CTNNA3: variants seen among roughly 807,000 people sequenced by gnomAD.
The protein encoded by CTNNA3 is catenin alpha-3.
In CTNNA3, 76 loss-of-function variants were observed where a neutral mutation model predicts 95.7. The ratio of observed to expected loss-of-function variants is 0.79; its 90% CI spans 0.66 to 0.96. CTNNA3 has a LOEUF of 0.96. CTNNA3 is among the 40% of genes least tolerant of loss of function. The pLI is 0.00. For synonymous variants in CTNNA3, 431 were observed against 374.4 expected (o/e 1.15, Z -1.74); for missense variants, 1,191 against 1,089.8 (o/e 1.09, Z -1.31).
intron 5 of CTNNA3, among the ~76,000 whole-genome samples, chr10:67,314,248 C>T (rs189925065): frequency 4.5e-4 from 69 of 152,248 alleles, no homozygotes; most frequent in African/African-American, 1.6e-3. Context: ...ATCTATACTA[C>T]GGCTAGGAAA....
At chr10:66,942,175 C>T (rs1437505192) in intron 7 of CTNNA3, among the ~76,000 whole-genome samples, 1 of 152,060 alleles carries the variant, frequency 6.6e-6, no homozygotes, top group Non-Finnish European at 1.5e-5. Flanking sequence ...TTTCTCCTGT[C>T]GTTTGCTAGA....
At chr10:66,774,891 T>G (rs1400276310) in intron 8 of CTNNA3, among the ~76,000 whole-genome samples, 1 of 152,200 alleles carries the variant, frequency 6.6e-6, no homozygotes, top group Non-Finnish European at 1.5e-5. Flanking sequence ...TCCTGATGAC[T>G]TAAGGTTAAA....
chr10:66,993,044 G>A (rs1851126788), intron 7 of CTNNA3, among the ~76,000 whole-genome samples: 1 of 152,032 alleles, frequency 6.6e-6, no homozygotes, highest in Non-Finnish European at 1.5e-5. Flanking sequence ...ATGATTTTGT[G>A]GGCAGCCACA....
At chr10:66,404,897 C>T (rs1019752994) in intron 11 of CTNNA3, among the ~76,000 whole-genome samples, 1 of 151,844 alleles carries the variant, frequency 6.6e-6, no homozygotes. Flanking sequence ...TGCTTTAGAT[C>T]CATGAAAAAT....
chr10:66,364,649 C>T (rs72802894), intron 12 of CTNNA3, among the ~76,000 whole-genome samples: 3,106 of 152,090 alleles, frequency 0.02, 54 homozygotes, highest in Non-Finnish European at 0.028. Context: ...ATTTCTTAAA[C>T]GTTTAAGTAA....
At chr10:67,470,991 T>G (rs1299663528) in intron 5 of CTNNA3, among the ~76,000 whole-genome samples, 1 of 152,040 alleles carries the variant, frequency 6.6e-6, no homozygotes, top group Non-Finnish European at 1.5e-5. Flanking sequence ...TATTTTTGTA[T>G]TTTTTGTAGA....
At chr10:67,039,519 T>C (rs1273016820) in intron 7 of CTNNA3, among the ~76,000 whole-genome samples, 1 of 152,156 alleles carries the variant, frequency 6.6e-6, no homozygotes, top group African/African-American at 2.4e-5. Context: ...CTATGGGTGA[T>C]GCATAATAAT....
chr10:66,325,392 C>T (rs1477313529), intron 12 of CTNNA3, among the ~76,000 whole-genome samples: 1 of 151,978 alleles, frequency 6.6e-6, no homozygotes, highest in Non-Finnish European at 1.5e-5. Context: ...TCATATCTTG[C>T]CTGCAGAAAA....
At chr10:66,465,517 C>T (rs866309219) in intron 11 of CTNNA3, among the ~76,000 whole-genome samples, 1 of 152,102 alleles carries the variant, frequency 6.6e-6, no homozygotes, top group Admixed American at 6.6e-5. Flanking sequence ...TGCACTGAAG[C>T]GTGTTTTTCA....
chr10:67,449,835 T>C (rs1275935557), intron 5 of CTNNA3, among the ~76,000 whole-genome samples: 1 of 152,278 alleles, frequency 6.6e-6, no homozygotes, highest in Admixed American at 6.5e-5. Flanking sequence ...AAAGAGCTTC[T>C]GCACAGCAAA....
intron 11 of CTNNA3, among the ~76,000 whole-genome samples, chr10:66,513,904 A>G (rs932560885): frequency 2.6e-5 from 4 of 152,058 alleles, no homozygotes; most frequent in Non-Finnish European, 5.9e-5. Context: ...ACCCTGTGGC[A>G]CCATTAGGTT....
At chr10:67,508,621 A>G (rs993285689) in intron 5 of CTNNA3, among the ~76,000 whole-genome samples, 10 of 152,204 alleles carry the variant, frequency 6.6e-5, no homozygotes, top group Admixed American at 6.5e-4. Flanking sequence ...ATATGATGCC[A>G]TAAGTACCAG....
At chr10:67,658,010 G>T (rs1215848178) in intron 1 of CTNNA3, among the ~76,000 whole-genome samples, 5 of 152,110 alleles carry the variant, frequency 3.3e-5, no homozygotes, top group Non-Finnish European at 7.4e-5. Flanking sequence ...AGGGTAATAT[G>T]CAGCAGCCCA....
intron 12 of CTNNA3, among the ~76,000 whole-genome samples, chr10:66,294,576 G>A (rs1290295405): frequency 1.3e-5 from 2 of 152,154 alleles, no homozygotes; most frequent in Non-Finnish European, 2.9e-5. Context: ...TTTTAGAGTA[G>A]GCTAGAAGAA....
chr10:67,462,921 T>TTC (rs1252248860), intron 5 of CTNNA3, among the ~76,000 whole-genome samples: 1 of 151,848 alleles, frequency 6.6e-6, no homozygotes, highest in Non-Finnish European at 1.5e-5. Flanking sequence ...TTTTTTTTTT[T>TTC]TGAGATGGAG....
At chr10:67,486,210 A>C (rs1429299386) in intron 5 of CTNNA3, among the ~76,000 whole-genome samples, 2 of 152,216 alleles carry the variant, frequency 1.3e-5, no homozygotes, top group African/African-American at 2.4e-5. Context: ...AGCCAGAAAT[A>C]CATAGGCGTG....
At chr10:67,050,447 G>GA (rs911296774) in intron 7 of CTNNA3, among the ~76,000 whole-genome samples, 4 of 150,934 alleles carry the variant, frequency 2.7e-5, no homozygotes, top group Admixed American at 6.6e-5. Context: ...TATTAGAAAA[G>GA]AAAAAAAAAG....
At chr10:67,579,836 G>C (rs1454010981) in intron 3 of CTNNA3, among the ~76,000 whole-genome samples, 2 of 152,172 alleles carry the variant, frequency 1.3e-5, no homozygotes, top group Admixed American at 6.5e-5. Flanking sequence ...GTGTCTGTTG[G>C]CTGCATAAAT....
intron 10 of CTNNA3, among the ~76,000 whole-genome samples, chr10:66,610,056 G>A (rs888105168): frequency 1.3e-5 from 2 of 152,224 alleles, no homozygotes; most frequent in Admixed American, 6.5e-5. Flanking sequence ...GAGGAACACA[G>A]ATGGACACAT....
Sources: gnomAD v4.1 joint callset for allele counts (sites outside exome capture counted in the v4.1 genomes callset) on GRCh38, gnomAD v4.1.1 for gene constraint, MANE v1.5 for transcripts, NCBI Gene and HGNC (gene_info 2026-07-23, HGNC 2026-07-21) for gene names.